Variants in ACVR1C observed in about 807,000 individuals in gnomAD.
ACVR1C encodes the protein activin receptor type-1C.
A neutral mutation model predicts 57.9 loss-of-function variants in ACVR1C; 23 were observed. That is an observed-to-expected ratio of 0.40 (90% confidence interval 0.29 to 0.56). The LOEUF (loss-of-function observed/expected upper bound fraction) is 0.56. ACVR1C is among the 20% of genes least tolerant of loss of function. The pLI, the probability that ACVR1C is intolerant of heterozygous loss-of-function variation, is 0.50. For missense variants in ACVR1C, 480 were observed against 607.9 expected (o/e 0.79, Z 2.21); for synonymous variants, 214 against 215.3 (o/e 0.99, Z 0.05).
chr2:157,578,583 T>C (rs1009752739), intron 2 of ACVR1C, among the ~76,000 whole-genome samples: 2 of 152,202 alleles, frequency 1.3e-5, no homozygotes, highest in African/African-American at 4.8e-5. Flanking sequence ...ACTTTCTTTC[T>C]GCCTGAAGTA....
At chr2:157,619,485 A>C (rs1682719746) in intron 1 of ACVR1C, among the ~76,000 whole-genome samples, 1 of 152,010 alleles carries the variant, frequency 6.6e-6, no homozygotes, top group Admixed American at 6.6e-5. Flanking sequence ...GTGGGTCAGC[A>C]AACTATGGCC....
At chr2:157,622,580 T>C (rs188230135) in intron 1 of ACVR1C, among the ~76,000 whole-genome samples, 2 of 152,314 alleles carry the variant, frequency 1.3e-5, no homozygotes, top group East Asian at 1.9e-4. Flanking sequence ...AGAATGTAAC[T>C]AGACCCCTAT....
intron 2 of ACVR1C, among the ~76,000 whole-genome samples, chr2:157,574,026 G>A (rs1002844649): frequency 2.6e-5 from 4 of 152,144 alleles, no homozygotes; most frequent in African/African-American, 7.2e-5. Flanking sequence ...GCCCATGCCC[G>A]ACACAGAAGA....
chr2:157,558,313 A>G (rs1445318698), intron 2 of ACVR1C, among the ~76,000 whole-genome samples: 1 of 152,206 alleles, frequency 6.6e-6, no homozygotes, highest in Non-Finnish European at 1.5e-5. Flanking sequence ...ACGGGCCTTG[A>G]TAGTTTCGCC....
chr2:157,605,978 G>A (rs1682383446), intron 1 of ACVR1C, among the ~76,000 whole-genome samples: 1 of 151,156 alleles, frequency 6.6e-6, no homozygotes, highest in East Asian at 1.9e-4. Context: ...CCCAGCTTTT[G>A]GTATCTATCA....
intron 2 of ACVR1C, among the ~76,000 whole-genome samples, chr2:157,564,033 T>C (rs968274092): frequency 6.6e-6 from 1 of 152,098 alleles, no homozygotes; most frequent in African/African-American, 2.4e-5. Flanking sequence ...ACCTAAGCAA[T>C]ACCATTCAGG....
intron 1 of ACVR1C, chr2:157,597,335 C>T: frequency 2.0e-6 from 2 of 985,692 alleles, no homozygotes; most frequent in South Asian, 4.7e-5. Flanking sequence ...GGCACCCCGG[C>T]CCGCCCCCGG....
At chr2:157,534,270 C>A (rs1421069532) in intron 8 of ACVR1C, among the ~76,000 whole-genome samples, 4 of 151,930 alleles carry the variant, frequency 2.6e-5, no homozygotes, top group Non-Finnish European at 5.9e-5. Flanking sequence ...CCTGCTTAAT[C>A]TTCCAAGTAG....
At chr2:157,536,121 A>G (rs1482632537) in intron 8 of ACVR1C, among the ~76,000 whole-genome samples, 1 of 152,262 alleles carries the variant, frequency 6.6e-6, no homozygotes, top group African/African-American at 2.4e-5. Flanking sequence ...TGAGAGATAC[A>G]TACCATAATG....
intron 2 of ACVR1C, among the ~76,000 whole-genome samples, chr2:157,565,720 A>G (rs1386633641): frequency 2.0e-5 from 3 of 152,192 alleles, no homozygotes; most frequent in African/African-American, 7.2e-5. Flanking sequence ...GGCTATTTGC[A>G]TAAACGATCT....
intron 1 of ACVR1C, among the ~76,000 whole-genome samples, chr2:157,592,231 A>C (rs1420830136): frequency 1.3e-5 from 2 of 152,074 alleles, no homozygotes; most frequent in Non-Finnish European, 2.9e-5. Flanking sequence ...TGTATTAAGT[A>C]AGGCTCTGAG....
At chr2:157,602,857 T>C (rs1442692702) in intron 1 of ACVR1C, among the ~76,000 whole-genome samples, 2 of 152,168 alleles carry the variant, frequency 1.3e-5, no homozygotes, top group East Asian at 3.8e-4. Context: ...TCAACACTTT[T>C]CCCTAATTTC....
intron 1 of ACVR1C, among the ~76,000 whole-genome samples, chr2:157,613,446 TTG>T (rs1403837887): frequency 2.7e-5 from 4 of 148,998 alleles, no homozygotes; most frequent in African/African-American, 1.0e-4. Flanking sequence ...TTAATTTTTG[TTG>T]TGTTTTTTTT....
chr2:157,616,132 G>A (rs558450605), intron 1 of ACVR1C, among the ~76,000 whole-genome samples: 73 of 152,138 alleles, frequency 4.8e-4, no homozygotes, highest in Non-Finnish European at 9.6e-4. Flanking sequence ...TTTTCTTCTA[G>A]CATTCCATTT....
At chr2:157,554,229 A>AGAG (rs1688008320) in intron 3 of ACVR1C, among the ~76,000 whole-genome samples, 1 of 130,660 alleles carries the variant, frequency 7.7e-6, no homozygotes, top group African/African-American at 3.7e-5. Context: ...GAAAGAAAGA[A>AGAG]AGAAAGAAAG....
At chr2:157,563,150 T>C (rs1558979155) in intron 2 of ACVR1C, among the ~76,000 whole-genome samples, 1 of 152,150 alleles carries the variant, frequency 6.6e-6, no homozygotes, top group African/African-American at 2.4e-5. Flanking sequence ...AAATAAAGCG[T>C]ATTCAAATAG....
intron 1 of ACVR1C, among the ~76,000 whole-genome samples, chr2:157,624,710 C>A (rs1682862308): frequency 1.3e-5 from 2 of 152,094 alleles, no homozygotes; most frequent in African/African-American, 4.8e-5. Flanking sequence ...AGTAACGGAG[C>A]TAGAACAGGC....
rs549374348 is a variant in ACVR1C at position 157,562,468 on chromosome 2, A to G, written c.305-6136T>C. On this transcript the variant is annotated intron_variant, in intron 2 of 8. Coordinates refer to ENST00000243349, the MANE Select transcript of ACVR1C (RefSeq NM_145259.3). ...ACAGCCTACCAACCAAAAAAATAAA[A>G]TAAAATAAAATAAAATAAAATAAAA... Among the ~76,000 whole-genome samples, 19 of 125,200 alleles carry G rather than the reference A, an allele frequency of 1.5e-4. No individual in the cohort carries two copies. In the East Asian group the frequency reaches 3.9e-3, roughly 26 times the overall value. 82.1% of individuals were successfully genotyped at this position (125,200 alleles called of 152,430 possible).
At chr2:157,562,132 G>A (rs914528614) in intron 2 of ACVR1C, among the ~76,000 whole-genome samples, 85 of 151,512 alleles carry the variant, frequency 5.6e-4, no homozygotes, top group African/African-American at 1.8e-3. Context: ...CTGTCTCTAC[G>A]AAAAATACAA....
Sources: allele counts gnomAD v4.1 joint callset (sites outside exome capture counted in the v4.1 genomes callset), GRCh38; gene constraint gnomAD v4.1.1; transcripts MANE v1.5; gene names NCBI Gene and HGNC (gene_info 2026-07-23, HGNC 2026-07-21).